The following ADAM2 variants were observed in gnomAD, a reference collection of about 807,000 sequenced individuals.
ADAM2 encodes the protein disintegrin and metalloproteinase domain-containing protein 2.
In ADAM2, 101 loss-of-function variants were observed where a neutral mutation model predicts 99.3. The observed-to-expected ratio is 1.02, with a 90% CI of 0.87 to 1.20. The LOEUF is 1.20. Ranked by LOEUF, ADAM2 falls within the 50% of genes most tolerant of loss-of-function variation. The pLI is 0.00. For synonymous variants in ADAM2, 323 were observed against 287.6 expected (o/e 1.12, Z -1.25); for missense variants, 948 against 878.7 (o/e 1.08, Z -1.00).
At chr8:39,794,717 A>G (rs553169645) in intron 7 of ADAM2, among the ~76,000 whole-genome samples, 2 of 152,062 alleles carry the variant, frequency 1.3e-5, no homozygotes, top group South Asian at 2.1e-4. Flanking sequence ...TGCTCAATCA[A>G]TCATGACCCT....
At chr8:39,802,122 G>A (rs1228528636) in intron 7 of ADAM2, among the ~76,000 whole-genome samples, 3 of 152,190 alleles carry the variant, frequency 2.0e-5, no homozygotes, top group Admixed American at 6.5e-5. Context: ...CCCCAGTGGC[G>A]TGGGTTCACA....
chr8:39,774,350 A>G (rs1469529693), intron 11 of ADAM2, among the ~76,000 whole-genome samples: 1 of 152,024 alleles, frequency 6.6e-6, no homozygotes, highest in Non-Finnish European at 1.5e-5. Context: ...TTAAAAATAT[A>G]AAGATCAAAA....
intron 11 of ADAM2, 61 bp downstream of exon 11, chr8:39,776,964 A>G (rs531324463): frequency 2.5e-5 from 27 of 1,093,788 alleles, no homozygotes; most frequent in Non-Finnish European, 3.3e-5. Context: ...ACTTTCTTCA[A>G]CTAAATACAT....
chr8:39,787,154 C>T (rs1803499161), intron 9 of ADAM2, 99 bp from the exon 10 acceptor site: 4 of 640,512 alleles, frequency 6.2e-6, no homozygotes, highest in Admixed American at 3.2e-5. Flanking sequence ...TTAATATTTA[C>T]ATCTAACATT....
rs117835739 is a variant in ADAM2 at position 39,820,623 on chromosome 8, C to T, written c.513+379G>A. 5.0e-3 allele frequency among the ~76,000 whole-genome samples: 760 copies of T among 152,228 alleles called. 5 individuals are homozygous for T. Among genetic ancestry groups the T allele is most frequent in the Middle Eastern group, 0.031 (9 of 294 alleles). ...GACCTCCCCTGAGGCAGTTCCCTTA[C>T]AAGATAGGGGTGACTCTCCTCAGGA... On this transcript the variant is annotated intron_variant, in intron 6 of 20. Coordinates refer to ENST00000265708, the MANE Select transcript of ADAM2 (RefSeq NM_001464.5).
At chr8:39,773,482 T>TA (rs1563348464) in intron 11 of ADAM2, among the ~76,000 whole-genome samples, 1 of 151,624 alleles carries the variant, frequency 6.6e-6, no homozygotes, top group Non-Finnish European at 1.5e-5. Context: ...TATGATTCTT[T>TA]AAAAAAATTA....
chr8:39,809,223 T>C (rs1055404319), intron 7 of ADAM2, among the ~76,000 whole-genome samples, 187 bp downstream of exon 7: 12 of 152,198 alleles, frequency 7.9e-5, no homozygotes, highest in Non-Finnish European at 1.6e-4. Flanking sequence ...TATGTTGCTA[T>C]TTATAAAATT....
chr8:39,818,946 T>A (rs1805063263), intron 6 of ADAM2, among the ~76,000 whole-genome samples: 1 of 152,048 alleles, frequency 6.6e-6, no homozygotes, highest in South Asian at 2.1e-4. Flanking sequence ...GAGTTAATAT[T>A]GTTAATATAG....
intron 4 of ADAM2, among the ~76,000 whole-genome samples, chr8:39,822,251 C>T (rs185631988): frequency 6.6e-6 from 1 of 152,230 alleles, no homozygotes; most frequent in Admixed American, 6.5e-5. Context: ...ATATCTTGAA[C>T]ATTCCACAGC....
intron 3 of ADAM2, among the ~76,000 whole-genome samples, chr8:39,832,229 AC>A (rs1805647973): frequency 6.6e-6 from 1 of 152,168 alleles, no homozygotes; most frequent in African/African-American, 2.4e-5. Context: ...AGGAAAATGC[AC>A]AGTTTGGTGC....
intron 7 of ADAM2, among the ~76,000 whole-genome samples, chr8:39,798,706 T>G (rs1586119901): frequency 1.3e-5 from 2 of 152,330 alleles, no homozygotes; most frequent in South Asian, 4.1e-4. Context: ...AACTACTGCC[T>G]CAATTTCAGA....
At chr8:39,758,012 G>A (rs1802212481) in intron 15 of ADAM2, among the ~76,000 whole-genome samples, 1 of 152,068 alleles carries the variant, frequency 6.6e-6, no homozygotes, top group Non-Finnish European at 1.5e-5. Context: ...ATATGCTTTA[G>A]CAATTATAAA....
rs146916027 is a variant in ADAM2 at position 39,818,824 on chromosome 8, C to T, written c.513+2178G>A. On this transcript the variant is annotated intron_variant, in intron 6 of 20. Transcript: ENST00000265708. ...AATAACATCTAAAGTAATAACACTT[C>T]TATAAATAACAAAAGAAGCTTTACT... Among the ~76,000 whole-genome samples, 12 of 151,974 alleles carry T rather than the reference C, an allele frequency of 7.9e-5. 1 individual carries two copies. The East Asian group carries it at 2.3e-3, about 29-fold the overall frequency.
chr8:39,753,689 A>G (rs1357952486), intron 16 of ADAM2, among the ~76,000 whole-genome samples: 1 of 152,188 alleles, frequency 6.6e-6, no homozygotes, highest in African/African-American at 2.4e-5. Flanking sequence ...AGCTATGGCT[A>G]AAAGGGTCCA....
intron 7 of ADAM2, among the ~76,000 whole-genome samples, chr8:39,808,864 C>T (rs757480869): frequency 1.4e-4 from 21 of 151,970 alleles, no homozygotes; most frequent in African/African-American, 3.9e-4. Flanking sequence ...TGCAGTGAGC[C>T]GAGATCATGC....
chr8:39,781,908 G>A lies in ADAM2; in HGVS notation c.892-4747C>T, dbSNP rs188936771. Among the ~76,000 whole-genome samples the A allele has an allele frequency of 2.0e-4, 30 of 152,296 alleles. No homozygotes were observed. In the East Asian group the frequency reaches 5.8e-3, roughly 29 times the overall value. ...ATGGTCATAAAAGATTCTGGAAAGA[G>A]GCCAGCGATATGGCGACTTGATCTC... is the stretch of plus-strand genomic sequence containing the variant. On this transcript the variant is annotated intron_variant, in intron 10 of 20. Transcript: ENST00000265708.
intron 7 of ADAM2, among the ~76,000 whole-genome samples, chr8:39,790,325 A>G (rs1014025127): frequency 6.6e-6 from 1 of 151,974 alleles, no homozygotes; most frequent in Admixed American, 6.6e-5. Context: ...ATTGCGACAC[A>G]ATAGGCTATT....
At chr8:39,771,089 C>T (rs1185450853) in intron 11 of ADAM2, among the ~76,000 whole-genome samples, 2 of 152,322 alleles carry the variant, frequency 1.3e-5, no homozygotes, top group East Asian at 1.9e-4. Context: ...TATTCACCAA[C>T]TCCTCCGAGG....
Position 39,761,230 on chromosome 8 carries a change from T to C in ADAM2, c.1559A>G (p.Asp520Gly), listed in dbSNP as rs142623293. 40 of 1,605,222 alleles carry C rather than the reference T, an allele frequency of 2.5e-5. No homozygotes were observed. The highest frequency in any genetic ancestry group is 1.7e-4 in the Middle Eastern group (1 of 5,986). ...ACTTATACCACAGTTTCCAGATACA[T>C]CAGTCTTTGAATTAAGGTGAGAATA... is the stretch of plus-strand genomic sequence containing the variant. ...ECYSHLNSKT[D>G]VSGNCGISDS... The change falls in exon 15 of 21, where the codon GAT (aspartate) becomes GGT (glycine). Residue 520 changes from aspartate (D) to glycine (G), a missense_variant. Asp to Gly is a moderately conservative substitution (Grantham distance 94, BLOSUM62 -1). Coordinates refer to ENST00000265708, the MANE Select transcript of ADAM2 (RefSeq NM_001464.5).
Sources: gnomAD v4.1 joint callset for allele counts (sites outside exome capture counted in the v4.1 genomes callset) on GRCh38, gnomAD v4.1.1 for gene constraint, MANE v1.5 for transcripts, NCBI Gene and HGNC (gene_info 2026-07-23, HGNC 2026-07-21) for gene names.